SACS: variants seen among roughly 807,000 people sequenced by gnomAD.
SACS encodes sacsin molecular chaperone, also known as sacsin.
SACS carries 197 observed loss-of-function variants against 348.0 expected under a neutral mutation model. That is an observed-to-expected ratio of 0.57 (90% CI 0.50 to 0.64). The LOEUF is 0.64. Ranked by LOEUF, SACS falls within the 30% of genes least tolerant of loss-of-function variation. The probability of loss-of-function intolerance (pLI) is 0.00; values close to 1 mark genes in which losing one functional copy is unlikely to be tolerated. For missense variants in SACS, 4,999 were observed against 5,360.8 expected (o/e 0.93, Z 2.11); for synonymous variants, 1,985 against 1,910.6 (o/e 1.04, Z -1.02).
intron 6 of SACS, among the ~76,000 whole-genome samples, chr13:23,362,716 G>A (rs1314543526): frequency 6.6e-6 from 1 of 150,414 alleles, no homozygotes; most frequent in African/African-American, 2.4e-5. Flanking sequence ...CTCCTGAGTA[G>A]CTGGGATTAC....
At chr13:23,367,857 G>A (rs1425593845) in intron 5 of SACS, among the ~76,000 whole-genome samples, 1 of 152,164 alleles carries the variant, frequency 6.6e-6, no homozygotes, top group African/African-American at 2.4e-5. Context: ...GCCTCCCAAA[G>A]TGCTGGGATT....
Position 23,368,417 on chromosome 13 carries a change from T to C in SACS, c.330A>G (p.Gly110=). ...LKDILRRYPE[G]GQILKELIQN... Reference sequence around the variant, plus strand: ...TGTGCCCCACCTTAAGAATCTGTCCTCCTTCTGGATATCTTCTCAAAATGT... The same window carrying C: ...TGTGCCCCACCTTAAGAATCTGTCCCCCTTCTGGATATCTTCTCAAAATGT... Residue 110 remains glycine (G), a synonymous_variant, in exon 5 of 10, where the codon GGA becomes GGG. Transcript: ENST00000382292. The C allele has an allele frequency of 6.2e-7, 1 of 1,611,686 alleles. No individual in the cohort carries two copies. The highest frequency in any genetic ancestry group is 8.5e-7 in the Non-Finnish European group (1 of 1,178,448).
At chr13:23,362,770 G>A (rs151200843) in intron 6 of SACS, among the ~76,000 whole-genome samples, 1 of 151,836 alleles carries the variant, frequency 6.6e-6, no homozygotes, top group East Asian at 1.9e-4. Context: ...ATTTTTAGTA[G>A]AAACAGGGTT....
rs1436708286 is a variant in SACS at position 23,355,416 on chromosome 13, C to T, written c.1196G>A (p.Gly399Asp). 1.2e-6 allele frequency: 2 copies of T among 1,614,026 alleles called. No individual in the cohort carries two copies. Among genetic ancestry groups the T allele is most frequent in the African/African-American group, 1.3e-5 (1 of 74,914 alleles). The change falls in exon 8 of 10, where the codon GGT becomes GAT. Residue 399 changes from glycine to aspartate, a missense_variant. Physicochemically the swap from Gly to Asp is moderately conservative, Grantham distance 94 (BLOSUM62 -1). Coordinates refer to ENST00000382292, the MANE Select transcript of SACS (RefSeq NM_014363.6). ...KTSWLVCNSV[G>D]GRGISSKLDS... ...AAGCTTACTACTGATCCCTCGCCCA[C>T]CCACACTGTTACACACCAACCAAGA... is the stretch of plus-strand genomic sequence containing the variant.
At chr13:23,386,663 T>C (rs1872299902) in intron 2 of SACS, among the ~76,000 whole-genome samples, 1 of 152,258 alleles carries the variant, frequency 6.6e-6, no homozygotes, top group South Asian at 2.1e-4. Context: ...ATTCACAACT[T>C]GACTGTTTGT....
intron 3 of SACS, 33 bp from the exon 4 acceptor site, chr13:23,371,198 C>T (rs762813001): frequency 7.9e-6 from 11 of 1,401,260 alleles, no homozygotes; most frequent in Non-Finnish European, 1.1e-5. Flanking sequence ...GTATGAAAAG[C>T]AATACAGTCT....
chr13:23,432,467 T>G (rs972626865), intron 1 of SACS, among the ~76,000 whole-genome samples: 3 of 152,024 alleles, frequency 2.0e-5, no homozygotes, highest in African/African-American at 7.2e-5. Context: ...GAAAGGAAAC[T>G]GGGGATCGTT....
chr13:23,333,334 C>T lies in SACS; in HGVS notation c.10542G>A (p.Lys3514=), dbSNP rs773384950. 1.1e-5 allele frequency: 17 copies of T among 1,601,470 alleles called. No homozygotes were observed. The highest frequency in any genetic ancestry group is 1.4e-5 in the Non-Finnish European group (16 of 1,175,952). Reference sequence around the variant, plus strand: ...TTTCCAGTTTTTCAAAAAGTTGTTCCTTAATCTCTGATAATTCCTCAGCAC... The same window carrying T: ...TTTCCAGTTTTTCAAAAAGTTGTTCTTTAATCTCTGATAATTCCTCAGCAC... ...LSSAEELSEI[K]EQLFEKLESL... is the part of the protein sequence containing the mutation. Residue 3514 remains lysine (K), a synonymous_variant, in exon 10 of 10, where the codon AAG becomes AAA. Transcript: ENST00000382292.
intron 9 of SACS, among the ~76,000 whole-genome samples, chr13:23,352,449 A>C (rs1359458501): frequency 1.3e-5 from 2 of 152,208 alleles, no homozygotes; most frequent in African/African-American, 4.8e-5. Context: ...CAGACTGAAA[A>C]AGGCAAGAGA....
In SACS at chr13:23,400,695, C is replaced by G. The variant is rs200923558; in HGVS notation, c.20+10525G>C. On this transcript the variant is annotated intron_variant, in intron 2 of 9. Transcript: ENST00000382292. ...TCGGCCTCCCAAAGTGCTGTGATTA[C>G]AGGCGTGAGCCACCGCGCCCGGCCA... Among the ~76,000 whole-genome samples the G allele has an allele frequency of 2.1e-3, 326 of 152,332 alleles. 1 individual carries two copies. The highest frequency in any genetic ancestry group is 7.6e-3 in the African/African-American group (318 of 41,580).
At chr13:23,395,102 G>A (rs560857951) in intron 2 of SACS, among the ~76,000 whole-genome samples, 34 of 152,042 alleles carry the variant, frequency 2.2e-4, no homozygotes, top group African/African-American at 8.2e-4. Context: ...TCATTCGACA[G>A]GGAGGCTGGG....
At chr13:23,406,683 G>A (rs1873232742) in intron 2 of SACS, among the ~76,000 whole-genome samples, 3 of 151,890 alleles carry the variant, frequency 2.0e-5, no homozygotes, top group Non-Finnish European at 4.4e-5. Context: ...TTTTATTATA[G>A]GTAAATTGTA....
chr13:23,348,067 G>T (rs549163060), intron 9 of SACS, among the ~76,000 whole-genome samples: 1 of 152,176 alleles, frequency 6.6e-6, no homozygotes, highest in South Asian at 2.1e-4. Context: ...AACTGTTCTT[G>T]TTTCCTTTTT....
rs1443685260 is a variant in SACS at position 23,340,851 on chromosome 13, C to A, written c.3025G>T (p.Val1009Leu). 6.2e-7 allele frequency: 1 copy of A among 1,606,568 alleles called. No individual in the cohort carries two copies. Among genetic ancestry groups the A allele is most frequent in the East Asian group, 2.2e-5 (1 of 44,732 alleles). ...AGGACCCATAACATAAGCTGTGTTACCTCTTCATGTGAATAAAATGCATTT... is the reference window on the plus strand; with the variant it reads ...AGGACCCATAACATAAGCTGTGTTAACTCTTCATGTGAATAAAATGCATTT... ...IENAFYSHEE[V>L]TQLMLWVLEN... Residue 1009 changes from valine (V) to leucine (L), a missense_variant, in exon 10 of 10, where the codon GTA becomes TTA. Physicochemically the swap from Val to Leu is conservative, Grantham distance 32 (BLOSUM62 1). Transcript: ENST00000382292.
At position 23,412,208 on chromosome 13, in the gene SACS, A is replaced by G. The variant is rs148339790; in HGVS notation, c.-501-468T>C. Among the ~76,000 whole-genome samples, 1,370 of 152,100 alleles carry G rather than the reference A, an allele frequency of 9.0e-3. 15 individuals are homozygous for G. The highest frequency in any genetic ancestry group is 0.031 in the African/African-American group (1,282 of 41,510). ...CGGGAGGTGGAGCTTGCAGTGAGCCAAGATCGCGCCACTGCACTCCCCGCG... is the reference window on the plus strand; with the variant it reads ...CGGGAGGTGGAGCTTGCAGTGAGCCGAGATCGCGCCACTGCACTCCCCGCG... On this transcript the variant is annotated intron_variant, in intron 1 of 9. Transcript: ENST00000382292.
intron 2 of SACS, among the ~76,000 whole-genome samples, chr13:23,391,186 C>T (rs1872515389): frequency 6.6e-6 from 1 of 152,202 alleles, no homozygotes; most frequent in South Asian, 2.1e-4. Context: ...TTTTTCTATA[C>T]CTCTGTACAT....
chr13:23,348,905 T>C (rs1054168425), intron 9 of SACS, among the ~76,000 whole-genome samples: 31 of 152,136 alleles, frequency 2.0e-4, no homozygotes, highest in Admixed American at 1.4e-3. Flanking sequence ...TCATGAAATA[T>C]AGGGAGGATT....
At chr13:23,427,469 C>G (rs375748897) in intron 1 of SACS, 1 of 152,240 alleles carries the variant, frequency 6.6e-6, no homozygotes, top group Non-Finnish European at 1.5e-5. Context: ...GGCATATGGG[C>G]TTGACCCACA....
Position 23,354,932 on chromosome 13 carries a change from T to C in SACS, c.1680A>G (p.Ala560=). 6.2e-7 allele frequency: 1 copy of C among 1,614,262 alleles called. No individual in the cohort carries two copies. Among genetic ancestry groups the C allele is most frequent in the Non-Finnish European group, 8.5e-7 (1 of 1,180,052 alleles). Residue 560 remains alanine, a synonymous_variant, in exon 8 of 10, where the codon GCA becomes GCG. Coordinates refer to ENST00000382292, the MANE Select transcript of SACS (RefSeq NM_014363.6). Reference sequence around the variant, plus strand: ...AGTCACAGCTAATTGAATAAATCACTGCATTCTGCAACAGCTCGCTGAATA... The same window carrying C: ...AGTCACAGCTAATTGAATAAATCACCGCATTCTGCAACAGCTCGCTGAATA... The part of the protein sequence containing the change: ...EPLFSELLQN[A]VIYSISCDWV...
Sources: gnomAD v4.1 joint callset for allele counts (sites outside exome capture counted in the v4.1 genomes callset) on GRCh38, gnomAD v4.1.1 for gene constraint, MANE v1.5 for transcripts, NCBI Gene and HGNC (gene_info 2026-07-23, HGNC 2026-07-21) for gene names.